SHISA6: variants seen among roughly 807,000 people sequenced by gnomAD.
The protein encoded by SHISA6 is protein shisa-6.
SHISA6 carries 22 observed loss-of-function variants against 47.9 expected under a neutral mutation model. The ratio of observed to expected loss-of-function variants is 0.46; its 90% CI spans 0.33 to 0.66. The LOEUF is 0.66. SHISA6 is among the 30% of genes least tolerant of loss of function. SHISA6 has a pLI of 0.02. For missense variants in SHISA6, 680 were observed against 764.6 expected (o/e 0.89, Z 1.30); for synonymous variants, 388 against 337.8 (o/e 1.15, Z -1.63).
intron 3 of SHISA6, among the ~76,000 whole-genome samples, chr17:11,398,960 T>A (rs941136248): frequency 2.9e-5 from 4 of 138,248 alleles, no homozygotes; most frequent in South Asian, 2.3e-4. Flanking sequence ...CTAGGTTATT[T>A]TTTTTTTTTC....
At chr17:11,363,003 T>C (rs1912337111) in intron 2 of SHISA6, among the ~76,000 whole-genome samples, 3 of 152,220 alleles carry the variant, frequency 2.0e-5, no homozygotes, top group African/African-American at 7.2e-5. Flanking sequence ...CTGAAATGGA[T>C]ACCCTCTGCC....
chr17:11,543,326 G>A (rs1424167458), intron 3 of SHISA6, among the ~76,000 whole-genome samples: 1 of 152,172 alleles, frequency 6.6e-6, no homozygotes, highest in Non-Finnish European at 1.5e-5. Flanking sequence ...TTGATGCACT[G>A]TTGGAACAAA....
chr17:11,478,349 A>T, intron 3 of SHISA6, among the ~76,000 whole-genome samples: 7 of 115,890 alleles, frequency 6.0e-5, no homozygotes, highest in Admixed American at 2.6e-4. Flanking sequence ...GGTTGTGAAA[A>T]TTTTCTCCCA....
chr17:11,254,054 G>A (rs1047815525), intron 1 of SHISA6, among the ~76,000 whole-genome samples: 2 of 152,202 alleles, frequency 1.3e-5, no homozygotes, highest in Admixed American at 6.5e-5. Context: ...GAGGCCCTTA[G>A]CCAGCAGCCC....
At chr17:11,363,562 A>G (rs1392984448) in intron 2 of SHISA6, among the ~76,000 whole-genome samples, 1 of 152,228 alleles carries the variant, frequency 6.6e-6, no homozygotes, top group Non-Finnish European at 1.5e-5. Context: ...ATTTAAAGAA[A>G]TAAGAACAGT....
chr17:11,277,318 A>ACACACCCC (rs1389004430), intron 2 of SHISA6, among the ~76,000 whole-genome samples: 2 of 127,986 alleles, frequency 1.6e-5, no homozygotes, highest in East Asian at 2.3e-4. Context: ...ACACACACAC[A>ACACACCCC]CCCCGCATGT....
rs924514355 is a variant in SHISA6, at chr17:11,558,518, G to A, written c.*214G>A. 1.0e-5 allele frequency: 6 copies of A among 597,606 alleles called. No homozygotes were observed. The Admixed American group carries it at 1.5e-4, about 15-fold the overall frequency. The allele number at this position is 597,606 out of a possible 1,614,324, so 37.0% of individuals were successfully genotyped here. A position where few individuals can be genotyped will look rare whatever the true frequency, so the allele number is the denominator to read the frequency against. ...CTTAGACCCAGGACCAAGAGCAATC[G>A]CTCTTGCTCCTCCAGAAGAATCAGT... On this transcript the variant is annotated 3_prime_UTR_variant, in exon 6 of 6. Transcript: ENST00000441885.
chr17:11,558,662 A>G lies in SHISA6; in HGVS notation c.*358A>G, dbSNP rs933050921. The G allele has an allele frequency of 1.1e-4, 34 of 317,158 alleles. No homozygotes were observed. Among genetic ancestry groups the G allele is most frequent in the Non-Finnish European group, 1.8e-4 (31 of 168,018 alleles). 19.6% of individuals were successfully genotyped at this position (317,158 alleles called of 1,614,324 possible). On this transcript the variant is annotated 3_prime_UTR_variant, in exon 6 of 6. Coordinates refer to ENST00000441885, the MANE Select transcript of SHISA6 (RefSeq NM_207386.4). Reference sequence around the variant, plus strand: ...ACTCAGCTGCAGGTTCTGTCAGCAGAGAGACCCTTGCTTGACTGTGGTCTG... The same window carrying G: ...ACTCAGCTGCAGGTTCTGTCAGCAGGGAGACCCTTGCTTGACTGTGGTCTG...
At chr17:11,464,336 C>A (rs1181101184) in intron 3 of SHISA6, among the ~76,000 whole-genome samples, 1 of 152,168 alleles carries the variant, frequency 6.6e-6, no homozygotes, top group African/African-American at 2.4e-5. Flanking sequence ...TTCCCAGGCC[C>A]ACCTGGGTCC....
chr17:11,338,935 T>G (rs72824649), intron 2 of SHISA6, among the ~76,000 whole-genome samples: 16,255 of 152,094 alleles, frequency 0.11, 1,313 homozygotes, highest in East Asian at 0.29. Context: ...CTAATTAAAT[T>G]ATGTGCATAA....
At chr17:11,363,281 C>G (rs1912346227) in intron 2 of SHISA6, among the ~76,000 whole-genome samples, 1 of 151,080 alleles carries the variant, frequency 6.6e-6, no homozygotes, top group African/African-American at 2.4e-5. Context: ...CATTCCCAAT[C>G]TCTGGGAATA....
rs1393214203 is a variant in SHISA6 at position 11,561,982 on chromosome 17, G to A, written c.*3678G>A. ...TGTCATGGCCTGTGATAGTCAGTTT[G>A]GTTCCTGCCACTAGCAAGTCCCCTG... On this transcript the variant is annotated 3_prime_UTR_variant, in exon 6 of 6. Transcript: ENST00000441885. 1 of 152,114 alleles carries A rather than the reference G, an allele frequency of 6.6e-6. No homozygotes were observed. Among genetic ancestry groups the A allele is most frequent in the African/African-American group, 2.4e-5 (1 of 41,382 alleles). 9.4% of individuals were successfully genotyped at this position (152,114 alleles called of 1,614,324 possible). A position where few individuals can be genotyped will look rare whatever the true frequency, so the allele number is the denominator to read the frequency against.
chr17:11,305,199 G>A (rs1278845101), intron 2 of SHISA6, among the ~76,000 whole-genome samples: 2 of 152,154 alleles, frequency 1.3e-5, no homozygotes. Flanking sequence ...CAACTCATTA[G>A]GGGTATACTG....
At chr17:11,457,339 C>T (rs1915568331) in intron 3 of SHISA6, among the ~76,000 whole-genome samples, 1 of 152,200 alleles carries the variant, frequency 6.6e-6, no homozygotes, top group Non-Finnish European at 1.5e-5. Context: ...CACCACCACC[C>T]ATGCAGTCGA....
At chr17:11,469,602 A>G (rs1247923453) in intron 3 of SHISA6, among the ~76,000 whole-genome samples, 1 of 152,138 alleles carries the variant, frequency 6.6e-6, no homozygotes, top group East Asian at 1.9e-4. Context: ...CCTGTGGGTG[A>G]GGTTCACGTG....
chr17:11,282,324 T>C (rs1334853017), intron 2 of SHISA6, among the ~76,000 whole-genome samples: 3 of 152,114 alleles, frequency 2.0e-5, no homozygotes, highest in African/African-American at 4.8e-5. Context: ...TTCAACAAGA[T>C]CGAAAGTTCT....
intron 3 of SHISA6, among the ~76,000 whole-genome samples, chr17:11,443,321 T>C (rs1915142877): frequency 6.6e-6 from 1 of 152,332 alleles, no homozygotes; most frequent in South Asian, 2.1e-4. Context: ...GATAACGAAG[T>C]GTGTCTCTGT....
rs113474466 is a variant in SHISA6 at position 11,247,977 on chromosome 17, T to C, written c.638+5917T>C. Among the ~76,000 whole-genome samples, 237 of 152,284 alleles carry C rather than the reference T, an allele frequency of 1.6e-3. 3 individuals are homozygous for C. Among genetic ancestry groups the C allele is most frequent in the African/African-American group, 5.3e-3 (221 of 41,546 alleles). ...TTTTAGTAGAGACAGCGTTTCACCA[T>C]GTTAGCCAGAATGGTCTCGATCTCC... On this transcript the variant is annotated intron_variant, in intron 1 of 5. Coordinates refer to ENST00000441885, the MANE Select transcript of SHISA6 (RefSeq NM_207386.4).
chr17:11,347,758 A>G (rs1911749447), intron 2 of SHISA6, among the ~76,000 whole-genome samples: 1 of 152,146 alleles, frequency 6.6e-6, no homozygotes, highest in South Asian at 2.1e-4. Flanking sequence ...AGTGTCAGAG[A>G]AGGAAGCTTG....
Sources: gnomAD v4.1 joint callset for allele counts (sites outside exome capture counted in the v4.1 genomes callset) on GRCh38, gnomAD v4.1.1 for gene constraint, MANE v1.5 for transcripts, NCBI Gene and HGNC (gene_info 2026-07-23, HGNC 2026-07-21) for gene names.